The following WIZ variants were observed in gnomAD, a reference collection of about 807,000 sequenced individuals.
WIZ encodes WIZ zinc finger.
WIZ carries 25 observed loss-of-function variants against 140.2 expected under a neutral mutation model. The observed-to-expected ratio is 0.18, with a 90% CI of 0.13 to 0.25. WIZ has a LOEUF of 0.25. Among genes scored for constraint, WIZ ranks in the 10% least tolerant of loss-of-function variants. WIZ has a pLI of 1.00. For missense variants in WIZ, 2,231 were observed against 2,632.6 expected, an observed-to-expected ratio of 0.85 and a Z score of 3.34; for synonymous variants, 1,125 against 1,154.3, an observed-to-expected ratio of 0.97 and a Z score of 0.51.
chr19:15,420,261 G>C lies in WIZ; in HGVS notation c.*2815C>G, dbSNP rs1207605442. On this transcript the variant is annotated 3_prime_UTR_variant, in exon 13 of 13. Transcript: ENST00000673675. ...TGTTTGCTCTACTTTTGTATAGTTG[G>C]AATTCTCCATGATAAACTGTTTTAA... 6.6e-6 allele frequency: 1 copy of C among 152,170 alleles called. No homozygotes were observed. 9.4% of individuals were successfully genotyped at this position (152,170 alleles called of 1,614,324 possible).
At position 15,427,286 on chromosome 19, in the gene WIZ, G is replaced by A. The variant is rs200456961; in HGVS notation, c.4062C>T (p.Gly1354=). 7.4e-5 allele frequency: 119 copies of A among 1,613,656 alleles called. No individual in the cohort carries two copies. Among genetic ancestry groups the A allele is most frequent in the South Asian group, 6.6e-5 (6 of 91,056 alleles). Residue 1354 remains glycine (G), a synonymous_variant, in exon 9 of 13, where the codon GGC becomes GGT. Transcript: ENST00000673675. This position sits in a 1 kb window ranked among gnomAD's most constrained non-coding sequence, Gnocchi z 6.4. ...CTTCCAGTGAGCTGCCAGGACCTGC[G>A]CCGCCCATCATCTTGGCCAGGGCTT... ...SPKALAKMMG[G]AGPGSSLEAR... is the part of the protein sequence containing the mutation.
chr19:15,426,878 C>T, intron 9 of WIZ, 104 bp downstream of exon 9: 13 of 1,379,416 alleles, frequency 9.4e-6, no homozygotes, highest in South Asian at 2.8e-5. Context: ...ACCTGCGTGT[C>T]CTCCCTTCCA....
In WIZ at chr19:15,423,158, T is replaced by A; in HGVS notation, c.5588A>T (p.Glu1863Val). ...GGGGTCCGCTTTGGAGAAGTTCATC[T>A]CCAGGATGTGCCGCTGTAAGTGCCG... is the stretch of plus-strand genomic sequence containing the variant. ...WVRHLQRHIL[E>V]MNFSKADPPP... The change falls in exon 13 of 13, where the codon GAG (glutamate) becomes GTG (valine). Residue 1863 changes from glutamate to valine, a missense_variant. This residue lies in a region of WIZ where 299 missense variants were observed against 309.6 expected (regional missense o/e 0.97). Transcript: ENST00000673675. 6.2e-7 allele frequency: 1 copy of A among 1,613,462 alleles called. No individual in the cohort carries two copies. The highest frequency in any genetic ancestry group is 8.5e-7 in the Non-Finnish European group (1 of 1,179,936).
rs752788038 is a variant in WIZ, at chr19:15,439,900, G to A, written c.1094C>T (p.Thr365Ile). Residue 365 changes from threonine (T) to isoleucine (I), a missense_variant, in exon 4 of 13, where the codon ACT becomes ATT. By Grantham distance (89) the Thr-to-Ile change is moderately conservative. Around this residue, in one of 15 missense-constraint regions of WIZ, gnomAD observed 475 missense variants for 520.2 expected, o/e 0.91. Coordinates refer to ENST00000673675, the MANE Select transcript of WIZ (RefSeq NM_001371589.1). This position sits in a 1 kb window ranked among gnomAD's most constrained non-coding sequence, Gnocchi z 7.0. The part of the protein sequence containing the change: ...GECGWAFADP[T>I]ALEQHRQLHQ... ...CAGCTGCCGGTGCTGCTCCAGGGCA[G>A]TGGGGTCAGCAAAGGCCCAGCCACA... 5.2e-6 allele frequency: 8 copies of A among 1,527,854 alleles called. No individual in the cohort carries two copies. The South Asian group carries it at 9.6e-5, about 18-fold the overall frequency. The allele number at this position is 1,527,854 out of a possible 1,614,324, so 94.6% of individuals were successfully genotyped here.
At chr19:15,435,822 A>G (rs988820704) in intron 5 of WIZ, among the ~76,000 whole-genome samples, 2 of 151,370 alleles carry the variant, frequency 1.3e-5, no homozygotes, top group Non-Finnish European at 2.9e-5. Context: ...ACTTCATCTC[A>G]GAAAAAATCT....
In WIZ at chr19:15,427,995, ACTGCCAAGGGCCC is replaced by A. The variant is rs1267843084; in HGVS notation, c.3814+102_3814+114del. On this transcript the variant is annotated intron_variant, in intron 8 of 12. Transcript: ENST00000673675. This position sits in a 1 kb window ranked among gnomAD's most constrained non-coding sequence, Gnocchi z 6.4. Reference sequence around the variant, plus strand: ...CAAGATCTCTGGGCAGAACCGGCCCACTGCCAAGGGCCCCTGTCTACTCCCTGCCCCAGCAGGG... The same window carrying A: ...CAAGATCTCTGGGCAGAACCGGCCCACTGTCTACTCCCTGCCCCAGCAGGG... The A allele has an allele frequency of 7.1e-7, 1 of 1,409,100 alleles. No homozygotes were observed. The highest frequency in any genetic ancestry group is 1.5e-5 in the African/African-American group (1 of 68,882). The allele number at this position is 1,409,100 out of a possible 1,614,324, so 87.3% of individuals were successfully genotyped here. A position where few individuals can be genotyped will look rare whatever the true frequency, so the allele number is the denominator to read the frequency against.
chr19:15,429,448 T>C, intron 7 of WIZ, 138 bp downstream of exon 7: 1 of 1,003,108 alleles, frequency 1.0e-6, no homozygotes, highest in South Asian at 4.4e-5. Context: ...TACTCTGGCC[T>C]GGCTGGCCCA....
chr19:15,424,478 G>A lies in WIZ; in HGVS notation c.5315-100C>T, dbSNP rs1197672856. Reference sequence around the variant, plus strand: ...GGACTGATGCTACCTGGATGGGTGGGATGGGGGATGGATGGGTGAATGGGT... The same window carrying A: ...GGACTGATGCTACCTGGATGGGTGGAATGGGGGATGGATGGGTGAATGGGT... On this transcript the variant is annotated intron_variant, in intron 11 of 12. Coordinates refer to ENST00000673675, the MANE Select transcript of WIZ (RefSeq NM_001371589.1). The surrounding 1 kb of genome is among the most constrained non-coding windows in gnomAD (Gnocchi z 9.7). 6.5e-7 allele frequency: 1 copy of A among 1,529,714 alleles called. No homozygotes were observed. The highest frequency in any genetic ancestry group is 8.8e-7 in the Non-Finnish European group (1 of 1,132,428). 94.8% of individuals were successfully genotyped at this position (1,529,714 alleles called of 1,614,324 possible). A position where few individuals can be genotyped will look rare whatever the true frequency, so the allele number is the denominator to read the frequency against.
Position 15,442,854 on chromosome 19 carries a change from G to T in WIZ, c.206-106C>A. The T allele has an allele frequency of 1.6e-6, 1 of 608,362 alleles. No homozygotes were observed. The highest frequency in any genetic ancestry group is 2.4e-6 in the Non-Finnish European group (1 of 418,448). 37.7% of individuals were successfully genotyped at this position (608,362 alleles called of 1,614,324 possible). A position where few individuals can be genotyped will look rare whatever the true frequency, so the allele number is the denominator to read the frequency against. Reference sequence around the variant, plus strand: ...CAGGTGCCTCAGAAAGGCCCTGCTGGCTCCCAGTTCCTCTCCCTGAGAGGC... The same window carrying T: ...CAGGTGCCTCAGAAAGGCCCTGCTGTCTCCCAGTTCCTCTCCCTGAGAGGC... On this transcript the variant is annotated intron_variant, in intron 2 of 12. Transcript: ENST00000673675. The surrounding 1 kb of genome is among the most constrained non-coding windows in gnomAD (Gnocchi z 5.5).
chr19:15,433,096 G>T, intron 5 of WIZ: 2 of 278,264 alleles, frequency 7.2e-6, no homozygotes, highest in Non-Finnish European at 1.1e-5. Context: ...GCTAGGACCT[G>T]CCCTAGGACC....
chr19:15,442,709 C>A lies in WIZ; in HGVS notation c.245G>T (p.Arg82Leu). 8.1e-7 allele frequency: 1 copy of A among 1,232,432 alleles called. No individual in the cohort carries two copies. Among genetic ancestry groups the A allele is most frequent in the Non-Finnish European group, 1.0e-6 (1 of 988,226 alleles). The allele number at this position is 1,232,432 out of a possible 1,614,324, so 76.3% of individuals were successfully genotyped here. ...GATCCGATGGGTGGCGGAGGTGACA[C>A]GGGGGAGGGCTTCGCTGAGGCCGGG... is the stretch of plus-strand genomic sequence containing the variant. ...PHPGLSEALP[R>L]VTSATHRISS... The change falls in exon 3 of 13, where the codon CGT (arginine) becomes CTT (leucine). Residue 82 changes from arginine (R) to leucine (L), a missense_variant. Arg to Leu is a moderately radical substitution (Grantham distance 102, BLOSUM62 -2). Around this residue, in one of 15 missense-constraint regions of WIZ, gnomAD observed 16 missense variants for 39.7 expected, o/e 0.40. Transcript: ENST00000673675. The surrounding 1 kb of genome is among the most constrained non-coding windows in gnomAD (Gnocchi z 5.5).
In WIZ at chr19:15,422,684, G is replaced by A. The variant is rs1411958485; in HGVS notation, c.*392C>T. On this transcript the variant is annotated 3_prime_UTR_variant, in exon 13 of 13. Transcript: ENST00000673675. ...TGTGTGTGAGAGGATATTCATGGGG[G>A]AGAGAGGGAACCAGAACAGGGGTCT... 1.7e-5 allele frequency: 4 copies of A among 236,862 alleles called. No homozygotes were observed. Among genetic ancestry groups the A allele is most frequent in the Non-Finnish European group, 2.5e-5 (3 of 120,326 alleles). The allele number at this position is 236,862 out of a possible 1,614,324, so 14.7% of individuals were successfully genotyped here. A position where few individuals can be genotyped will look rare whatever the true frequency, so the allele number is the denominator to read the frequency against.
Position 15,438,896 on chromosome 19 carries a change from C to A in WIZ, c.2098G>T (p.Val700Leu), listed in dbSNP as rs1379078370. 1 of 1,450,616 alleles carries A rather than the reference C, an allele frequency of 6.9e-7. No homozygotes were observed. The highest frequency in any genetic ancestry group is 9.1e-7 in the Non-Finnish European group (1 of 1,102,452). 89.9% of individuals were successfully genotyped at this position (1,450,616 alleles called of 1,614,324 possible). ...LGPQVMAAAR[V>L]PPRLQPEELG... ...TCCTCGGGCTGCAACCTTGGGGGCA[C>A]CCTGGCTGCCGCCATGACCTGCGGC... Residue 700 changes from valine (V) to leucine (L), a missense_variant, in exon 4 of 13, where the codon GTG (valine) becomes TTG (leucine). By Grantham distance (32) the Val-to-Leu change is conservative. Around this residue, in one of 15 missense-constraint regions of WIZ, gnomAD observed 475 missense variants for 520.2 expected, o/e 0.91. Coordinates refer to ENST00000673675, the MANE Select transcript of WIZ (RefSeq NM_001371589.1).
chr19:15,441,124 T>C lies in WIZ; in HGVS notation c.279-409A>G, dbSNP rs969947176. 9.2e-5 allele frequency among the ~76,000 whole-genome samples: 14 copies of C among 152,142 alleles called. No individual in the cohort carries two copies. In the East Asian group the frequency reaches 2.5e-3, roughly 27 times the overall value. On this transcript the variant is annotated intron_variant, in intron 3 of 12. Coordinates refer to ENST00000673675, the MANE Select transcript of WIZ (RefSeq NM_001371589.1). ...TTGGTTCTCCCCAAACTGGGGTGAT[T>C]TTGCTAATTTAGTTTCACCTCTCCC...
Position 15,430,105 on chromosome 19 carries a change from G to A in WIZ, c.2912-16C>T, listed in dbSNP as rs1449857535. On this transcript the variant is annotated splice_polypyrimidine_tract_variant and intron_variant, in intron 6 of 12. Coordinates refer to ENST00000673675, the MANE Select transcript of WIZ (RefSeq NM_001371589.1). ...AGGCTCTGGGCTGAAGGGCAACACA[G>A]AGGCCGGGAGAGCAGGCTGTGAGGC... 1 of 1,497,854 alleles carries A rather than the reference G, an allele frequency of 6.7e-7. No individual in the cohort carries two copies. The highest frequency in any genetic ancestry group is 8.9e-7 in the Non-Finnish European group (1 of 1,123,502). The allele number at this position is 1,497,854 out of a possible 1,614,324, so 92.8% of individuals were successfully genotyped here. A position where few individuals can be genotyped will look rare whatever the true frequency, so the allele number is the denominator to read the frequency against.
chr19:15,436,825 A>T lies in WIZ; in HGVS notation c.2721T>A (p.Pro907=). Residue 907 remains proline (P), a synonymous_variant, in exon 5 of 13, where the codon CCT becomes CCA. Coordinates refer to ENST00000673675, the MANE Select transcript of WIZ (RefSeq NM_001371589.1). The part of the protein sequence containing the change: ...VPFPPTWAED[P]GPAYGDGLGS... ...CCTTACCATCTCCATAGGCTGGCCC[A>T]GGGTCCTCAGCCCAGGTGGGTGGAA... 6.2e-7 allele frequency: 1 copy of T among 1,601,608 alleles called. No homozygotes were observed. The highest frequency in any genetic ancestry group is 8.5e-7 in the Non-Finnish European group (1 of 1,176,076).
rs1968984329 is a variant in WIZ at position 15,428,254 on chromosome 19, A to G, written c.3670T>C (p.Leu1224=). 6.5e-7 allele frequency: 1 copy of G among 1,529,480 alleles called. No individual in the cohort carries two copies. The highest frequency in any genetic ancestry group is 8.7e-7 in the Non-Finnish European group (1 of 1,144,536). 94.7% of individuals were successfully genotyped at this position (1,529,480 alleles called of 1,614,324 possible). A position where few individuals can be genotyped will look rare whatever the true frequency, so the allele number is the denominator to read the frequency against. The part of the protein sequence containing the change: ...RPPPTSAALS[L]LPPPPPAKKA... ...TTGGCCGGCGGTGGGGGGGGAAGCA[A>G]GGAGAGGGCCGCGGAGGTGGGAGGC... The change falls in exon 8 of 13, where the codon TTG becomes CTG. Residue 1224 remains leucine (L), a synonymous_variant. Transcript: ENST00000673675. The surrounding 1 kb of genome is among the most constrained non-coding windows in gnomAD (Gnocchi z 6.4).
Position 15,425,661 on chromosome 19 carries a change from C to T in WIZ, c.4474G>A (p.Gly1492Ser). 1 of 1,613,490 alleles carries T rather than the reference C, an allele frequency of 6.2e-7. No homozygotes were observed. The highest frequency in any genetic ancestry group is 8.5e-7 in the Non-Finnish European group (1 of 1,179,930). The part of the protein sequence containing the change: ...SHARSHLRQM[G>S]VTEWSVNGSP... ...CCATTGACGGACCACTCGGTCACAC[C>T]CATCTGCCGCAGGTGTGAGCGCGCG... Residue 1492 changes from glycine (G) to serine (S), a missense_variant, in exon 10 of 13, where the codon GGT becomes AGT. By Grantham distance (56) the Gly-to-Ser change is moderately conservative. This residue lies in a region of WIZ where 393 missense variants were observed against 451.7 expected (regional missense o/e 0.87). Transcript: ENST00000673675.
intron 5 of WIZ, chr19:15,436,501 T>C (rs931442464): frequency 3.4e-5 from 11 of 325,538 alleles, no homozygotes; most frequent in Admixed American, 5.1e-5. Context: ...AATGAGTTCA[T>C]GTTTGTAAAG....
Sources: gnomAD v4.1 joint callset for allele counts (sites outside exome capture counted in the v4.1 genomes callset) on GRCh38, gnomAD v4.1.1 for gene constraint, gnomAD v4.1.1 regional missense constraint, Gnocchi (gnomAD v3.1) non-coding constraint, MANE v1.5 for transcripts, NCBI Gene and HGNC (gene_info 2026-07-23, HGNC 2026-07-21) for gene names.